The following CACNA1F variants were observed in gnomAD, a reference collection of about 807,000 sequenced individuals.
CACNA1F encodes the protein voltage-dependent L-type calcium channel subunit alpha-1F.
CACNA1F carries 59 observed loss-of-function variants against 143.8 expected under a neutral mutation model. The observed-to-expected ratio is 0.41, with a 90% CI of 0.33 to 0.51. The LOEUF (loss-of-function observed/expected upper bound fraction) is 0.51, where lower values mean the gene tolerates loss of function less well. Among genes scored for constraint, CACNA1F ranks in the 20% least tolerant of loss-of-function variants. The pLI is 0.22. For synonymous variants in CACNA1F, 643 were observed against 649.1 expected (o/e 0.99, Z 0.14); for missense variants, 1,411 against 1,647.5 (o/e 0.86, Z 2.48).
At chrX:49,218,070 C>G in intron 24 of CACNA1F, 65 bp from the exon 25 acceptor site, 1 of 832,684 alleles carries the variant, frequency 1.2e-6, no homozygotes, top group Non-Finnish European at 1.8e-6. Flanking sequence ...GGCAGGGACT[C>G]TGGTCATAGA....
At chrX:49,228,985 G>T (rs781843085) in intron 6 of CACNA1F, among the ~76,000 whole-genome samples, 9 of 112,410 alleles carry the variant, frequency 8.0e-5, no homozygotes, top group Admixed American at 9.4e-5. Flanking sequence ...AAATCCTGGC[G>T]TGGAGTCTTG....
chrX:49,219,553 C>T, intron 20 of CACNA1F, 81 bp downstream of exon 20: 1 of 1,175,126 alleles, frequency 8.5e-7, no homozygotes, highest in African/African-American at 1.8e-5. Context: ...CATGCCCCCA[C>T]TCCCACCTTG....
rs782008129 is a variant in CACNA1F, at chrX:49,212,986, G to A, written c.3801C>T (p.Gly1267=). The change falls in exon 32 of 48, where the codon GGC becomes GGT. Residue 1267 remains glycine, a synonymous_variant. Coordinates refer to ENST00000323022, the MANE Select transcript of CACNA1F (RefSeq NM_001256789.3). ...TAGGGTGGGCTACCTCGCCAAGGTGGCCACCATTCTGGAGGGAGATATGGC... is the reference window on the plus strand; with the variant it reads ...TAGGGTGGGCTACCTCGCCAAGGTGACCACCATTCTGGAGGGAGATATGGC... ...DIAVTEVNNG[G]HLGESSEDSS... 6.6e-6 allele frequency: 8 copies of A among 1,204,193 alleles called. No individual in the cohort carries two copies. Among genetic ancestry groups the A allele is most frequent in the South Asian group, 1.8e-5 (1 of 55,830 alleles).
chrX:49,207,307 C>T (rs1207639886), intron 43 of CACNA1F, among the ~76,000 whole-genome samples, 195 bp from the exon 44 acceptor site: 1 of 112,014 alleles, frequency 8.9e-6, no homozygotes, highest in Non-Finnish European at 1.9e-5. Flanking sequence ...AGATGTTCAT[C>T]TAATTAGGAC....
chrX:49,233,209 T>A, intron 1 of CACNA1F, 76 bp downstream of exon 1: 1 of 1,021,704 alleles, frequency 9.8e-7, no homozygotes, highest in Non-Finnish European at 1.3e-6. Flanking sequence ...GGGGGTGGGG[T>A]CTGGGTGGGC....
chrX:49,218,070 C>T, intron 24 of CACNA1F, 65 bp from the exon 25 acceptor site: 1 of 832,684 alleles, frequency 1.2e-6, no homozygotes, highest in South Asian at 2.1e-5. Flanking sequence ...GGCAGGGACT[C>T]TGGTCATAGA....
Position 49,205,225 on chromosome X carries a change from C to T in CACNA1F, c.5813G>A (p.Ser1938Asn), listed in dbSNP as rs2065580474. ...GGACTCCTCGTCGCTATAGAGAGAGCTGGTTCCCTGTGCCAGCAGGTCACT... is the reference window on the plus strand; with the variant it reads ...GGACTCCTCGTCGCTATAGAGAGAGTTGGTTCCCTGTGCCAGCAGGTCACT... ...AASDLLAQGT[S>N]SLYSDEESIL... Residue 1938 changes from serine (S) to asparagine (N), a missense_variant, in exon 48 of 48, where the codon AGC (serine) becomes AAC (asparagine). Ser to Asn is a conservative substitution (Grantham distance 46). Around this residue, in one of 3 missense-constraint regions of CACNA1F, gnomAD observed 349 missense variants for 350.2 expected, o/e 1.00. Transcript: ENST00000323022. 1 of 1,210,426 alleles carries T rather than the reference C, an allele frequency of 8.3e-7. No individual in the cohort carries two copies.
Position 49,205,374 on chromosome X carries a change from G to A in CACNA1F, c.5671-7C>T, listed in dbSNP as rs1030471300. 5.3e-6 allele frequency: 6 copies of A among 1,130,706 alleles called. No individual in the cohort carries two copies. Among genetic ancestry groups the A allele is most frequent in the Non-Finnish European group, 7.3e-6 (6 of 826,790 alleles). The allele number at this position is 1,130,706 out of a possible 1,213,427, so 93.2% of individuals were successfully genotyped here. On this transcript the variant is annotated splice_polypyrimidine_tract_variant and splice_region_variant and intron_variant, in intron 47 of 47. Coordinates refer to ENST00000323022, the MANE Select transcript of CACNA1F (RefSeq NM_001256789.3). ...GACCCTCTGAGATAAGCACCTGGGGGCACAGGTGGGATCAGTGTTGACGGA... is the reference window on the plus strand; with the variant it reads ...GACCCTCTGAGATAAGCACCTGGGGACACAGGTGGGATCAGTGTTGACGGA...
At position 49,215,559 on chromosome X, in the gene CACNA1F, G is replaced by A. The variant is rs190434065; in HGVS notation, c.3237-16C>T. The A allele has an allele frequency of 1.3e-4, 137 of 1,087,283 alleles. No homozygotes were observed. In the South Asian group the frequency reaches 1.3e-3, roughly 11 times the overall value. The allele number at this position is 1,087,283 out of a possible 1,213,427, so 89.6% of individuals were successfully genotyped here. Reference sequence around the variant, plus strand: ...GTATAGCAGTCTGTGGGAGCCAGAGGGGGGGTAGAGGTGGGGGCAGGTGAG... The same window carrying A: ...GTATAGCAGTCTGTGGGAGCCAGAGAGGGGGTAGAGGTGGGGGCAGGTGAG... On this transcript the variant is annotated splice_polypyrimidine_tract_variant and intron_variant, in intron 27 of 47. Transcript: ENST00000323022.
In CACNA1F at chrX:49,216,548, T is replaced by C. The variant is rs2065719351; in HGVS notation, c.3090-20A>G. On this transcript the variant is annotated intron_variant, in intron 26 of 47. Coordinates refer to ENST00000323022, the MANE Select transcript of CACNA1F (RefSeq NM_001256789.3). ...GAGCCCCTGTGGATGTGCAAACAGG[T>C]TAGATGGGTGAGGAGGGGTGAGGAA... is the stretch of plus-strand genomic sequence containing the variant. 1 of 1,193,739 alleles carries C rather than the reference T, an allele frequency of 8.4e-7. No individual in the cohort carries two copies. The highest frequency in any genetic ancestry group is 1.1e-6 in the Non-Finnish European group (1 of 884,495).
At chrX:49,211,851 G>A (rs782219337) in intron 35 of CACNA1F, 47 bp downstream of exon 35, 3 of 1,065,385 alleles carry the variant, frequency 2.8e-6, no homozygotes, top group African/African-American at 3.7e-5. Context: ...GAGAGGGTGG[G>A]TGGGCACCCA....
chrX:49,231,160 C>G, intron 3 of CACNA1F, 42 bp downstream of exon 3: 3 of 940,452 alleles, frequency 3.2e-6, no homozygotes, highest in Non-Finnish European at 4.5e-6. Context: ...TCTACTGGGG[C>G]TCTATTTGGC....
intron 17 of CACNA1F, 145 bp from the exon 18 acceptor site, chrX:49,221,225 A>G (rs1192846106): frequency 5.8e-6 from 3 of 518,688 alleles, no homozygotes; most frequent in East Asian, 7.3e-5. Flanking sequence ...CAAAGCAGCC[A>G]GAGGGAGCCT....
rs782362725 is a variant in CACNA1F at position 49,215,088 on chromosome X, G to T, written c.3595C>A (p.Gln1199Lys). 1 of 1,209,824 alleles carries T rather than the reference G, an allele frequency of 8.3e-7. No individual in the cohort carries two copies. Among genetic ancestry groups the T allele is most frequent in the South Asian group, 1.8e-5 (1 of 56,950 alleles). The change falls in exon 29 of 48, where the codon CAG (glutamine) becomes AAG (lysine). Residue 1199 changes from glutamine (Q) to lysine (K), a missense_variant and splice_region_variant. By Grantham distance (53) the Gln-to-Lys change is moderately conservative. Transcript: ENST00000323022. ...ILLNTVALAM[Q>K]HYEQTAPFNY... The stretch of plus-strand genomic sequence containing the variant: ...GGGGTCAGGCAGGGATCTCAGACCT[G>T]CATGGCTAGGGCAACTGTGTTGAGC...
chrX:49,224,808 G>A lies in CACNA1F; in HGVS notation c.1830C>T (p.Ile610=). The A allele has an allele frequency of 8.4e-7, 1 of 1,195,644 alleles. No individual in the cohort carries two copies. Among genetic ancestry groups the A allele is most frequent in the Non-Finnish European group, 1.1e-6 (1 of 886,459 alleles). ...VEVGAMQPLG[I]SVLRCVRLLR... is the part of the protein sequence containing the mutation. ...GGAGGCGCACACATCGGAGCACTGA[G>A]ATGCCCAAGGGCTGCATGGCACCCA... The change falls in exon 14 of 48, where the codon ATC becomes ATT. Residue 610 remains isoleucine (I), a synonymous_variant. Coordinates refer to ENST00000323022, the MANE Select transcript of CACNA1F (RefSeq NM_001256789.3).
rs375185090 is a variant in CACNA1F, at chrX:49,208,580, A to G, written c.5058T>C (p.Asp1686=). 1 of 1,208,319 alleles carries G rather than the reference A, an allele frequency of 8.3e-7. No individual in the cohort carries two copies. The highest frequency in any genetic ancestry group is 1.8e-5 in the African/African-American group (1 of 56,772). Reference sequence around the variant, plus strand: ...TGGAGGTGGGAGTCCCCCTGTCATCATCACTGGGCCCAAAGGAGAGTGAAT... The same window carrying G: ...TGGAGGTGGGAGTCCCCCTGTCATCGTCACTGGGCCCAAAGGAGAGTGAAT... ...LPDSLSFGPS[D]DDRGTPTSSQ... The change falls in exon 43 of 48, where the codon GAT becomes GAC. Residue 1686 remains aspartate (D), a synonymous_variant. Coordinates refer to ENST00000323022, the MANE Select transcript of CACNA1F (RefSeq NM_001256789.3).
intron 8 of CACNA1F, among the ~76,000 whole-genome samples, chrX:49,227,355 C>T (rs187547820): frequency 5.4e-5 from 6 of 111,567 alleles, no homozygotes; most frequent in Non-Finnish European, 3.8e-5. Context: ...TACAGGGTCT[C>T]ACTCTATCAC....
chrX:49,231,103 G>T, intron 3 of CACNA1F, 99 bp downstream of exon 3: 1 of 804,127 alleles, frequency 1.2e-6, no homozygotes, highest in Non-Finnish European at 1.8e-6. Flanking sequence ...GCCAGGCAGG[G>T]CCATCCGGGT....
At position 49,205,155 on chromosome X, in the gene CACNA1F, G is replaced by A; in HGVS notation, c.5883C>T (p.Ala1961=). Residue 1961 remains alanine, a synonymous_variant, in exon 48 of 48, where the codon GCC becomes GCT. Transcript: ENST00000323022. ...TGGGAATTCAGAGGGCGTGGACGCA[G>A]GCCATCTCGTCTCCCAAGTCCTCCT... ...FDEEDLGDEM[A]CVHAL is the part of the protein sequence containing the mutation. 1 of 1,208,174 alleles carries A rather than the reference G, an allele frequency of 8.3e-7. No homozygotes were observed. Among genetic ancestry groups the A allele is most frequent in the Non-Finnish European group, 1.1e-6 (1 of 892,314 alleles).
Sources: allele counts gnomAD v4.1 joint callset (sites outside exome capture counted in the v4.1 genomes callset), GRCh38; gene constraint gnomAD v4.1.1; regional missense constraint gnomAD v4.1.1; transcripts MANE v1.5; gene names NCBI Gene and HGNC (gene_info 2026-07-23, HGNC 2026-07-21).